The following CACNA1C variants were observed in gnomAD, a reference collection of about 807,000 sequenced individuals.
The protein encoded by CACNA1C is voltage-dependent L-type calcium channel subunit alpha-1C.
A neutral mutation model predicts 229.0 loss-of-function variants in CACNA1C; 30 were observed. The ratio of observed to expected loss-of-function variants is 0.13; its 90% CI spans 0.10 to 0.18. CACNA1C has a LOEUF of 0.18. CACNA1C is among the 10% of genes least tolerant of loss of function. The pLI, the probability that CACNA1C is intolerant of heterozygous loss-of-function variation, is 1.00. For missense variants in CACNA1C, 1,658 were observed against 2,845.0 expected (o/e 0.58, Z 9.49); for synonymous variants, 1,114 against 1,132.5 (o/e 0.98, Z 0.33).
intron 1 of CACNA1C, among the ~76,000 whole-genome samples, chr12:2,025,310 G>A (rs943429807): frequency 8.5e-5 from 13 of 152,170 alleles, no homozygotes; most frequent in African/African-American, 3.1e-4. Context: ...CCAAGCGGTG[G>A]TGTCTCAGCA....
Position 2,436,717 on chromosome 12 carries a change from A to G in CACNA1C, c.478-12259A>G, listed in dbSNP as rs2099138551. Among the ~76,000 whole-genome samples the G allele has an allele frequency of 1.3e-5, 2 of 152,376 alleles. 1 individual carries two copies. ...GTGGAAGCACTGGGCACCGTTGCAG[A>G]GACATCAGATGAGCCCATCAATAGA... On this transcript the variant is annotated intron_variant, in intron 3 of 46. Coordinates refer to ENST00000399655, the MANE Select transcript of CACNA1C (RefSeq NM_000719.7).
At chr12:2,450,275 T>C (rs117421567) in intron 4 of CACNA1C, among the ~76,000 whole-genome samples, 343 of 152,100 alleles carry the variant, frequency 2.3e-3, no homozygotes, top group Non-Finnish European at 4.0e-3. Context: ...GCAGGTGAGG[T>C]CAGGCGCGGT....
rs1178073475 is a variant in CACNA1C, at chr12:2,610,675, C to T, written c.3693C>T (p.Leu1231=). 6.2e-7 allele frequency: 1 copy of T among 1,614,224 alleles called. No homozygotes were observed. The highest frequency in any genetic ancestry group is 1.3e-5 in the African/African-American group (1 of 75,062). ...FEYLMFVLIL[L]NTICLAMQHY... ...ACCTGATGTTCGTCCTCATCCTGCT[C>T]AACACCATCTGCCTGGCCATGCAGG... Residue 1231 remains leucine (L), a synonymous_variant, in exon 28 of 47, where the codon CTC becomes CTT. Transcript: ENST00000399655.
chr12:2,551,857 G>T (rs1430895343), intron 10 of CACNA1C, among the ~76,000 whole-genome samples: 1 of 152,084 alleles, frequency 6.6e-6, no homozygotes, highest in Non-Finnish European at 1.5e-5. Flanking sequence ...GGATAATGAG[G>T]CAGAAGTGAA....
intron 3 of CACNA1C, among the ~76,000 whole-genome samples, chr12:2,350,535 A>T (rs763633239): frequency 3.9e-5 from 6 of 152,180 alleles, no homozygotes. Flanking sequence ...CAAGGGGGCA[A>T]TGGGGCCTGA....
At chr12:2,607,664 T>C (rs1050504025) in intron 26 of CACNA1C, among the ~76,000 whole-genome samples, 2 of 152,264 alleles carry the variant, frequency 1.3e-5, no homozygotes, top group African/African-American at 4.8e-5. Context: ...AATGCGTTTG[T>C]GCGTAGAGCA....
chr12:2,248,814 C>G (rs2074397704), intron 3 of CACNA1C, among the ~76,000 whole-genome samples: 2 of 152,220 alleles, frequency 1.3e-5, no homozygotes, highest in Admixed American at 6.5e-5. Flanking sequence ...TATTATGGCT[C>G]TAATACTTGC....
At chr12:2,532,144 A>G (rs1483424066) in intron 9 of CACNA1C, among the ~76,000 whole-genome samples, 1 of 152,072 alleles carries the variant, frequency 6.6e-6, no homozygotes, top group Non-Finnish European at 1.5e-5. Context: ...CTATGTTTCC[A>G]TGAGGGGTTG....
chr12:2,450,362 G>A (rs868575273), intron 4 of CACNA1C, among the ~76,000 whole-genome samples: 3 of 151,764 alleles, frequency 2.0e-5, no homozygotes, highest in South Asian at 2.1e-4. Flanking sequence ...AGACCATCCT[G>A]GCTAACACGG....
At chr12:2,144,341 G>A (rs2094524881) in intron 3 of CACNA1C, among the ~76,000 whole-genome samples, 1 of 151,254 alleles carries the variant, frequency 6.6e-6, no homozygotes, top group Non-Finnish European at 1.5e-5. Context: ...AGGAAAAGAA[G>A]AGACACCATT....
chr12:2,490,196 C>G (rs2099713927), intron 6 of CACNA1C, among the ~76,000 whole-genome samples: 1 of 152,232 alleles, frequency 6.6e-6, no homozygotes, highest in African/African-American at 2.4e-5. Context: ...ATCCCTTTCT[C>G]TCTTATTAGT....
At chr12:2,382,836 A>C (rs1413896381) in intron 3 of CACNA1C, among the ~76,000 whole-genome samples, 2 of 152,228 alleles carry the variant, frequency 1.3e-5, no homozygotes, top group Non-Finnish European at 2.9e-5. Context: ...AATAGAGCTC[A>C]TCCGAGATCT....
intron 3 of CACNA1C, among the ~76,000 whole-genome samples, chr12:2,199,980 C>T (rs1000577106): frequency 1.3e-5 from 2 of 152,294 alleles, no homozygotes; most frequent in South Asian, 2.1e-4. Context: ...TTTTGTTCAT[C>T]GCACAATTAC....
At position 2,639,588 on chromosome 12, in the gene CACNA1C, A is replaced by G. The variant is rs546691199; in HGVS notation, c.3912+5208A>G. Among the ~76,000 whole-genome samples the G allele has an allele frequency of 6.6e-6, 1 of 152,322 alleles. No homozygotes were observed. The highest frequency in any genetic ancestry group is 2.1e-4 in the South Asian group (1 of 4,822). ...TCTGGGCCTCAATTTCCTTGAATGC[A>G]AAAGTGAGGAGTGAGAGGTTTAGGA... On this transcript the variant is annotated intron_variant, in intron 30 of 46. Transcript: ENST00000399655. The surrounding 1 kb of genome is among the most constrained non-coding windows in gnomAD (Gnocchi z 4.2).
chr12:2,218,257 T>C (rs2060495866), intron 3 of CACNA1C, among the ~76,000 whole-genome samples: 1 of 152,158 alleles, frequency 6.6e-6, no homozygotes, highest in Non-Finnish European at 1.5e-5. Flanking sequence ...TGACAACGCG[T>C]CTCCTGCAGG....
chr12:2,640,489 C>T (rs989896763), intron 30 of CACNA1C, among the ~76,000 whole-genome samples: 1 of 152,224 alleles, frequency 6.6e-6, no homozygotes, highest in African/African-American at 2.4e-5. Flanking sequence ...GCTACACACC[C>T]GGATCCGTGT....
chr12:2,341,391 C>T (rs2096857702), intron 3 of CACNA1C, among the ~76,000 whole-genome samples: 1 of 152,226 alleles, frequency 6.6e-6, no homozygotes, highest in Non-Finnish European at 1.5e-5. Flanking sequence ...CTAAGAACCC[C>T]ATGAGATCCA....
In CACNA1C at chr12:2,120,692, G is replaced by GTGTGTGTGTGTT. The variant is rs764879260; in HGVS notation, c.477+267_477+268insGTGTGTTTGTGT. ...TGTGTGTGTGTGTGTGTGTGTGTGTGTGTGTTTAGTAGCAAATCCCGTGAC... is the reference window on the plus strand; with the variant it reads ...TGTGTGTGTGTGTGTGTGTGTGTGTGTGTGTGTGTGTTTGTGTTTAGTAGCAAATCCCGTGAC... On this transcript the variant is annotated intron_variant, in intron 3 of 46. Transcript: ENST00000399655. 2.6e-3 allele frequency among the ~76,000 whole-genome samples: 398 copies of GTGTGTGTGTGTT among 150,636 alleles called. 6 individuals carry two copies. In the East Asian group the frequency reaches 0.036, roughly 14 times the overall value.
At position 2,512,767 on chromosome 12, in the gene CACNA1C, C is replaced by G. The variant is rs774160249; in HGVS notation, c.1218-45C>G. The G allele has an allele frequency of 6.8e-7, 1 of 1,477,520 alleles. No homozygotes were observed. Among genetic ancestry groups the G allele is most frequent in the African/African-American group, 1.4e-5 (1 of 71,144 alleles). 91.5% of individuals were successfully genotyped at this position (1,477,520 alleles called of 1,614,324 possible). On this transcript the variant is annotated intron_variant, in intron 8 of 46. Transcript: ENST00000399655. The surrounding 1 kb of genome is among the most constrained non-coding windows in gnomAD (Gnocchi z 4.3). ...CCTCGACCCTTCTCGGTGCTCCCTCCTTCTCTGTGCTCTCCTGCCCTGCCC... is the reference window on the plus strand; with the variant it reads ...CCTCGACCCTTCTCGGTGCTCCCTCGTTCTCTGTGCTCTCCTGCCCTGCCC...
Sources: gnomAD v4.1 joint callset for allele counts (sites outside exome capture counted in the v4.1 genomes callset) on GRCh38, gnomAD v4.1.1 for gene constraint, Gnocchi (gnomAD v3.1) non-coding constraint, MANE v1.5 for transcripts, NCBI Gene and HGNC (gene_info 2026-07-23, HGNC 2026-07-21) for gene names.